Variants in ALDH1A2 observed in about 807,000 individuals in gnomAD.
ALDH1A2 encodes the protein aldehyde dehydrogenase 1 family member A2, also known as retinal dehydrogenase 2.
A neutral mutation model predicts 60.3 loss-of-function variants in ALDH1A2; 27 were observed. The ratio of observed to expected loss-of-function variants is 0.45; its 90% CI spans 0.33 to 0.62. The LOEUF (loss-of-function observed/expected upper bound fraction) is 0.62. Among genes scored for constraint, ALDH1A2 ranks in the 20% least tolerant of loss-of-function variants. ALDH1A2 has a pLI of 0.02. For missense variants in ALDH1A2, 581 were observed against 643.8 expected, an observed-to-expected ratio of 0.90 and a Z score of 1.06; for synonymous variants, 289 against 232.4, an observed-to-expected ratio of 1.24 and a Z score of -2.21.
intron 1 of ALDH1A2, among the ~76,000 whole-genome samples, chr15:58,064,549 C>T (rs1897123176): frequency 6.6e-6 from 1 of 152,122 alleles, no homozygotes; most frequent in South Asian, 2.1e-4. Flanking sequence ...TATGCATGTG[C>T]GTCTATGCGT....
chr15:57,974,755 A>C (rs1345481966), intron 7 of ALDH1A2, among the ~76,000 whole-genome samples: 4 of 152,248 alleles, frequency 2.6e-5, no homozygotes, highest in African/African-American at 9.6e-5. Flanking sequence ...CTGATCTATA[A>C]AAGAAAATGT....
At chr15:57,995,187 A>G in intron 4 of ALDH1A2, 48 bp from the exon 5 acceptor site, 1 of 1,393,188 alleles carries the variant, frequency 7.2e-7, no homozygotes, top group Non-Finnish European at 1.0e-6. Flanking sequence ...GATTAGGAAA[A>G]AAAATGCAAA....
intron 7 of ALDH1A2, among the ~76,000 whole-genome samples, chr15:57,983,358 C>G (rs1266589538): frequency 2.0e-5 from 3 of 152,162 alleles, no homozygotes; most frequent in African/African-American, 7.2e-5. Context: ...GTCCTCACAG[C>G]TAGCATTCCT....
chr15:57,992,367 G>C (rs949986765), intron 7 of ALDH1A2, among the ~76,000 whole-genome samples: 2 of 152,206 alleles, frequency 1.3e-5, no homozygotes, highest in Non-Finnish European at 2.9e-5. Context: ...GAAAGCTTGT[G>C]TCTCCATTCT....
At chr15:58,051,967 C>T (rs1300218403) in intron 1 of ALDH1A2, among the ~76,000 whole-genome samples, 1 of 152,134 alleles carries the variant, frequency 6.6e-6, no homozygotes, top group African/African-American at 2.4e-5. Context: ...ATATTTTCTG[C>T]CTACTACTAT....
intron 7 of ALDH1A2, among the ~76,000 whole-genome samples, chr15:57,979,236 G>C (rs535252236): frequency 6.6e-6 from 1 of 152,152 alleles, no homozygotes; most frequent in African/African-American, 2.4e-5. Flanking sequence ...TTTCCCAGGG[G>C]ACTCATTTCC....
chr15:58,027,119 C>A (rs1178266706), intron 1 of ALDH1A2, among the ~76,000 whole-genome samples: 1 of 152,172 alleles, frequency 6.6e-6, no homozygotes, highest in Non-Finnish European at 1.5e-5. Context: ...GGAGACCCTC[C>A]CAGTAGGGGC....
intron 1 of ALDH1A2, among the ~76,000 whole-genome samples, chr15:58,029,255 TAACTACATGGAAACTG>T (rs1205136201): frequency 6.6e-6 from 1 of 151,984 alleles, no homozygotes; most frequent in African/African-American, 2.4e-5. Context: ...CAAAACCGCA[TAACTACATGGAAACTG>T]AACAACCTGC....
At chr15:58,007,294 A>T (rs1895492037) in intron 4 of ALDH1A2, among the ~76,000 whole-genome samples, 2 of 152,024 alleles carry the variant, frequency 1.3e-5, no homozygotes, top group African/African-American at 4.8e-5. Context: ...AAACATAACT[A>T]CTATGAATGA....
intron 4 of ALDH1A2, among the ~76,000 whole-genome samples, chr15:58,007,545 A>G (rs1895500162): frequency 6.6e-6 from 1 of 152,038 alleles, no homozygotes; most frequent in South Asian, 2.1e-4. Flanking sequence ...TTGCAGTCTT[A>G]TTTTCTTAGA....
intron 4 of ALDH1A2, among the ~76,000 whole-genome samples, chr15:58,003,266 C>T (rs936991671): frequency 6.6e-6 from 1 of 151,806 alleles, no homozygotes; most frequent in African/African-American, 2.4e-5. Context: ...AACAAGCAAG[C>T]CCTGGTTGTT....
chr15:57,975,986 A>G (rs912904533), intron 7 of ALDH1A2, among the ~76,000 whole-genome samples: 5 of 152,246 alleles, frequency 3.3e-5, no homozygotes, highest in Non-Finnish European at 5.9e-5. Flanking sequence ...AATCTATTGT[A>G]TATCAATTAT....
chr15:58,024,277 ATG>A, intron 1 of ALDH1A2, among the ~76,000 whole-genome samples: 1 of 152,316 alleles, frequency 6.6e-6, no homozygotes, highest in Admixed American at 6.5e-5. Context: ...AAGAGATATA[ATG>A]GCTGAATGGA....
At chr15:57,995,737 C>G (rs1447309079) in intron 4 of ALDH1A2, among the ~76,000 whole-genome samples, 1 of 151,978 alleles carries the variant, frequency 6.6e-6, no homozygotes, top group Non-Finnish European at 1.5e-5. Flanking sequence ...CATCAATAAT[C>G]CAAAGCGTCT....
At chr15:58,010,617 T>C (rs773728692) in intron 4 of ALDH1A2, 32 bp downstream of exon 4, 2 of 1,610,676 alleles carry the variant, frequency 1.2e-6, no homozygotes, top group African/African-American at 1.3e-5. Context: ...GGTTTCACGT[T>C]TTCCTTTTCA....
chr15:58,002,026 G>A (rs1239783781), intron 4 of ALDH1A2, among the ~76,000 whole-genome samples: 1 of 151,780 alleles, frequency 6.6e-6, no homozygotes, highest in Non-Finnish European at 1.5e-5. Flanking sequence ...AAGGTAAAAC[G>A]CAGACTAACA....
At chr15:57,994,936 T>C in intron 5 of ALDH1A2, 142 bp downstream of exon 5, 1 of 818,132 alleles carries the variant, frequency 1.2e-6, no homozygotes, top group East Asian at 2.4e-5. Flanking sequence ...AGGGAGGCTG[T>C]TAAAGATATG....
intron 7 of ALDH1A2, among the ~76,000 whole-genome samples, chr15:57,984,861 G>A (rs1055344396): frequency 5.9e-5 from 9 of 152,074 alleles, no homozygotes; most frequent in Non-Finnish European, 8.8e-5. Context: ...ATTTTGTCAC[G>A]TTTCTTCTGT....
intron 1 of ALDH1A2, among the ~76,000 whole-genome samples, chr15:58,063,933 A>G (rs1897105859): frequency 1.3e-5 from 2 of 151,962 alleles, no homozygotes; most frequent in Non-Finnish European, 2.9e-5. Flanking sequence ...GAGAAAAGAG[A>G]GAGGGGGTAG....
Sources: gnomAD v4.1 joint callset for allele counts (sites outside exome capture counted in the v4.1 genomes callset) on GRCh38, gnomAD v4.1.1 for gene constraint, MANE v1.5 for transcripts, NCBI Gene and HGNC (gene_info 2026-07-23, HGNC 2026-07-21) for gene names.